FRRS1: variants seen among roughly 807,000 people sequenced by gnomAD.
FRRS1 encodes ferric chelate reductase 1.
FRRS1 carries 51 observed loss-of-function variants against 70.7 expected under a neutral mutation model. That is an observed-to-expected ratio of 0.72 (90% confidence interval 0.58 to 0.91). FRRS1 has a LOEUF of 0.91. Ranked by LOEUF, FRRS1 falls within the 40% of genes least tolerant of loss-of-function variation. The pLI is 0.00. For missense variants in FRRS1, 672 were observed against 726.0 expected (o/e 0.93, Z 0.86); for synonymous variants, 225 against 238.7 (o/e 0.94, Z 0.53).
chr1:99,752,312 T>C (rs766677642), intron 1 of FRRS1, among the ~76,000 whole-genome samples: 1 of 152,226 alleles, frequency 6.6e-6, no homozygotes, highest in Non-Finnish European at 1.5e-5. Context: ...AGCTTAATCA[T>C]TTCTAGCTTT....
chr1:99,708,369 G>A lies in FRRS1; in HGVS notation c.*659C>T, dbSNP rs1160970031. Among the ~76,000 whole-genome samples the A allele has an allele frequency of 1.3e-5, 2 of 151,754 alleles. No individual in the cohort carries two copies. The highest frequency in any genetic ancestry group is 2.9e-5 in the Non-Finnish European group (2 of 67,948). ...AATCCCAGCACTTTGGGAAGCTGAG[G>A]CAGGCAGATCACAAGGTCAGGAGAT... On this transcript the variant is annotated 3_prime_UTR_variant, in exon 17 of 17. Coordinates refer to ENST00000646001, the MANE Select transcript of FRRS1 (RefSeq NM_001361041.2).
chr1:99,759,332 CTCTT>C (rs1156976025), intron 1 of FRRS1, among the ~76,000 whole-genome samples: 5 of 152,202 alleles, frequency 3.3e-5, no homozygotes, highest in Non-Finnish European at 5.9e-5. Context: ...TAAACTGTCT[CTCTT>C]TATTTCTCAG....
chr1:99,727,225 G>A (rs924025551), intron 9 of FRRS1, among the ~76,000 whole-genome samples: 1 of 152,108 alleles, frequency 6.6e-6, no homozygotes, highest in African/African-American at 2.4e-5. Context: ...CTGGCACTCA[G>A]TAAGCACTGA....
intron 12 of FRRS1, among the ~76,000 whole-genome samples, chr1:99,714,246 C>T (rs958758916): frequency 1.3e-5 from 2 of 149,188 alleles, no homozygotes; most frequent in African/African-American, 5.0e-5. Context: ...TGCAGTGGTG[C>T]GATCTCAGCT....
At position 99,707,909 on chromosome 1, in the gene FRRS1, C is replaced by A. The variant is rs1432433911; in HGVS notation, c.*1119G>T. The stretch of plus-strand genomic sequence containing the variant: ...TTATTTCTACAAGTAAACAGAATAT[C>A]TATTAGATATGTTCACAAGGGTTTT... On this transcript the variant is annotated 3_prime_UTR_variant, in exon 17 of 17. Transcript: ENST00000646001. Among the ~76,000 whole-genome samples the A allele has an allele frequency of 6.6e-6, 1 of 152,178 alleles. No homozygotes were observed. Among genetic ancestry groups the A allele is most frequent in the Non-Finnish European group, 1.5e-5 (1 of 68,032 alleles).
At chr1:99,721,858 A>C (rs1237714677) in intron 9 of FRRS1, among the ~76,000 whole-genome samples, 1 of 151,920 alleles carries the variant, frequency 6.6e-6, no homozygotes, top group African/African-American at 2.4e-5. Context: ...CAGCCTCCCA[A>C]AGTGCTGGGA....
intron 4 of FRRS1, among the ~76,000 whole-genome samples, chr1:99,745,958 G>A (rs941588395): frequency 6.6e-6 from 1 of 151,604 alleles, no homozygotes; most frequent in Non-Finnish European, 1.5e-5. Context: ...CTTCTGCCAT[G>A]AGTAAAAGGC....
intron 12 of FRRS1, among the ~76,000 whole-genome samples, chr1:99,714,138 C>T (rs975820948): frequency 4.0e-5 from 6 of 151,182 alleles, no homozygotes; most frequent in Admixed American, 1.3e-4. Context: ...AATTGAGAGA[C>T]ATTAGAGAAA....
chr1:99,748,671 T>C lies in FRRS1; in HGVS notation c.98A>G (p.His33Arg). 6.2e-7 allele frequency: 1 copy of C among 1,613,920 alleles called. No individual in the cohort carries two copies. The highest frequency in any genetic ancestry group is 1.1e-5 in the South Asian group (1 of 91,076). Reference protein sequence around the residue: ...YPNGKVTQSCHGMIPEHGHSP... With the variant: ...YPNGKVTQSCRGMIPEHGHSP... ...ATGACCATGTTCAGGAATCATTCCA[T>C]GGCATGACTGTGTTACTTTTCCATT... Residue 33 changes from histidine to arginine, a missense_variant, in exon 3 of 17, where the codon CAT (histidine) becomes CGT (arginine). Coordinates refer to ENST00000646001, the MANE Select transcript of FRRS1 (RefSeq NM_001361041.2).
At chr1:99,740,980 T>A in intron 5 of FRRS1, 40 bp from the exon 6 acceptor site, 1 of 1,580,396 alleles carries the variant, frequency 6.3e-7, no homozygotes, top group Non-Finnish European at 8.7e-7. Flanking sequence ...CCTAATTGTG[T>A]CCTGTCACAA....
At position 99,710,844 on chromosome 1, in the gene FRRS1, A is replaced by G. The variant is rs749826520; in HGVS notation, c.1586T>C (p.Val529Ala). 3 of 1,613,866 alleles carry G rather than the reference A, an allele frequency of 1.9e-6. No homozygotes were observed. Among genetic ancestry groups the G allele is most frequent in the East Asian group, 2.2e-5 (1 of 44,870 alleles). The change falls in exon 15 of 17, where the codon GTT becomes GCT. Residue 529 changes from valine to alanine, a missense_variant. By Grantham distance (64) the Val-to-Ala change is moderately conservative. Transcript: ENST00000646001. ...CCGATAAGCATGTACCTCCAGAACA[A>G]CCTCAGTCCCAACATGCCAGGCTAC... ...GFVAWHVGTE[V>A]VLEVHAYRLS...
At chr1:99,755,407 C>T (rs572266441) in intron 1 of FRRS1, among the ~76,000 whole-genome samples, 58 of 149,834 alleles carry the variant, frequency 3.9e-4, no homozygotes, top group African/African-American at 1.4e-3. Context: ...AGCCTGGGGT[C>T]GGAGGGGGAG....
chr1:99,744,969 CAAAAAAAA>C (rs71075450), intron 4 of FRRS1, among the ~76,000 whole-genome samples: 72 of 91,766 alleles, frequency 7.8e-4, no homozygotes, highest in African/African-American at 2.1e-3. Context: ...GACTCCGTCT[CAAAAAAAA>C]AAAAAAAAAA....
At position 99,747,435 on chromosome 1, in the gene FRRS1, GA is replaced by G; in HGVS notation, c.197-6del. On this transcript the variant is annotated splice_region_variant and splice_polypyrimidine_tract_variant and intron_variant, in intron 3 of 16. Coordinates refer to ENST00000646001, the MANE Select transcript of FRRS1 (RefSeq NM_001361041.2). ...ATGGATGCCCTGACAAAGTAACTGA[GA>G]AAAAGACAAAAGGGTTGGTTAAAAA... 1 of 1,602,388 alleles carries G rather than the reference GA, an allele frequency of 6.2e-7. No homozygotes were observed. The highest frequency in any genetic ancestry group is 8.5e-7 in the Non-Finnish European group (1 of 1,176,568).
chr1:99,731,996 T>C (rs562600525), intron 7 of FRRS1, among the ~76,000 whole-genome samples: 1 of 152,338 alleles, frequency 6.6e-6, no homozygotes, highest in African/African-American at 2.4e-5. Context: ...GCATGTTTTC[T>C]ATAATATCCA....
At position 99,708,623 on chromosome 1, in the gene FRRS1, AAAATATATATATAT is replaced by A. The variant is rs1654119131; in HGVS notation, c.*391_*404del. On this transcript the variant is annotated 3_prime_UTR_variant, in exon 17 of 17. Transcript: ENST00000646001. The stretch of plus-strand genomic sequence containing the variant: ...AAAAAAAAAAAAAAAAAAAAAAAAA[AAAATATATATATAT>A]ATATATATATATATATATATATATA... 1 of 71,262 alleles carries A rather than the reference AAAATATATATATAT, an allele frequency of 1.4e-5. No individual in the cohort carries two copies. Among genetic ancestry groups the A allele is most frequent in the African/African-American group, 7.8e-5 (1 of 12,800 alleles). The allele number at this position is 71,262 out of a possible 1,614,324, so 4.4% of individuals were successfully genotyped here.
At chr1:99,734,787 G>A (rs1183813233) in intron 7 of FRRS1, among the ~76,000 whole-genome samples, 1 of 152,082 alleles carries the variant, frequency 6.6e-6, no homozygotes, top group Non-Finnish European at 1.5e-5. Flanking sequence ...ACATCAGGGG[G>A]CATAATAAAA....
intron 5 of FRRS1, 83 bp from the exon 6 acceptor site, chr1:99,741,023 A>C: frequency 7.9e-7 from 1 of 1,263,972 alleles, no homozygotes; most frequent in Non-Finnish European, 1.1e-6. Flanking sequence ...AAAAAAAAGA[A>C]AGACTAAACT....
At position 99,710,957 on chromosome 1, in the gene FRRS1, CAAAAG is replaced by C; in HGVS notation, c.1481-13_1481-9del. ...CCAGGAACATCGCTGCCACTACATA[CAAAAG>C]AAAAAAGTTACATTCAAATGTAGTC... On this transcript the variant is annotated splice_polypyrimidine_tract_variant and intron_variant, in intron 14 of 16. Coordinates refer to ENST00000646001, the MANE Select transcript of FRRS1 (RefSeq NM_001361041.2). 6.2e-7 allele frequency: 1 copy of C among 1,608,014 alleles called. No homozygotes were observed. Among genetic ancestry groups the C allele is most frequent in the Non-Finnish European group, 8.5e-7 (1 of 1,176,534 alleles).
Sources: allele counts gnomAD v4.1 joint callset (sites outside exome capture counted in the v4.1 genomes callset), GRCh38; gene constraint gnomAD v4.1.1; transcripts MANE v1.5; gene names NCBI Gene and HGNC (gene_info 2026-07-23, HGNC 2026-07-21).